NAALADL2: variants seen among roughly 807,000 people sequenced by gnomAD.
NAALADL2 encodes N-acetylated alpha-linked acidic dipeptidase like 2, also known as inactive N-acetylated-alpha-linked acidic dipeptidase-like protein 2.
A neutral mutation model predicts 87.2 loss-of-function variants in NAALADL2; 76 were observed. The observed-to-expected ratio is 0.87, with a 90% CI of 0.72 to 1.05. NAALADL2 has a LOEUF of 1.05. NAALADL2 is among the 50% of genes least tolerant of loss of function. The pLI is 0.00. For synonymous variants in NAALADL2, 354 were observed against 331.0 expected, an observed-to-expected ratio of 1.07 and a Z score of -0.75; for missense variants, 1,089 against 945.8, an observed-to-expected ratio of 1.15 and a Z score of -1.99.
At chr3:174,900,754 T>A (rs572997815) in intron 1 of NAALADL2, among the ~76,000 whole-genome samples, 1 of 152,154 alleles carries the variant, frequency 6.6e-6, no homozygotes, top group South Asian at 2.1e-4. Flanking sequence ...AATAACTGGC[T>A]ACTTAAAAAA....
intron 1 of NAALADL2, among the ~76,000 whole-genome samples, chr3:174,979,133 T>C (rs1273737317): frequency 6.6e-6 from 1 of 152,052 alleles, no homozygotes; most frequent in African/African-American, 2.4e-5. Flanking sequence ...TAAATTGGTT[T>C]TGGCTCTCTT....
intron 3 of NAALADL2, among the ~76,000 whole-genome samples, chr3:174,786,153 C>T (rs1461223800): frequency 6.6e-6 from 1 of 152,020 alleles, no homozygotes; most frequent in South Asian, 2.1e-4. Flanking sequence ...AAAAGCTTTA[C>T]TGAAAAAGTA....
chr3:175,213,882 C>T (rs1020287707), intron 2 of NAALADL2, among the ~76,000 whole-genome samples: 11 of 152,118 alleles, frequency 7.2e-5, no homozygotes, highest in African/African-American at 2.7e-4. Context: ...ATTTCCCCTT[C>T]TCATATGACA....
At chr3:175,480,713 G>A (rs1254177625) in intron 9 of NAALADL2, among the ~76,000 whole-genome samples, 2 of 151,782 alleles carry the variant, frequency 1.3e-5, no homozygotes, top group East Asian at 3.8e-4. Context: ...GTAATATTCA[G>A]TAGGTAATCA....
rs1715050024 is a variant in NAALADL2 at position 174,572,520 on chromosome 3, A to G, written c.-115+21883A>G. ...GTAATCATTTCTTTTGGCCAAAGCA[A>G]TAAAAAAGAAAATAAATGAGGTATA... On this transcript the variant is annotated intron_variant, in intron 2 of 3. Transcript: ENST00000434257. Among the ~76,000 whole-genome samples the G allele has an allele frequency of 1.3e-5, 2 of 152,196 alleles. 1 individual carries two copies. Among genetic ancestry groups the G allele is most frequent in the South Asian group, 4.1e-4 (2 of 4,828 alleles).
intron 1 of NAALADL2, among the ~76,000 whole-genome samples, chr3:175,042,823 T>C (rs528136955): frequency 7.2e-5 from 11 of 152,306 alleles, no homozygotes; most frequent in African/African-American, 2.6e-4. Flanking sequence ...GTGTTGGAGA[T>C]GGGACCTAAA....
chr3:175,368,262 A>C (rs1765926923), intron 5 of NAALADL2, among the ~76,000 whole-genome samples: 1 of 152,102 alleles, frequency 6.6e-6, no homozygotes, highest in East Asian at 1.9e-4. Flanking sequence ...GGTTGCCAGT[A>C]TTTTATTGAG....
chr3:175,557,519 A>C (rs898366315), intron 9 of NAALADL2, among the ~76,000 whole-genome samples: 1 of 151,714 alleles, frequency 6.6e-6, no homozygotes, highest in Non-Finnish European at 1.5e-5. Flanking sequence ...TTTTTTTTGT[A>C]CCCATTTACC....
intron 13 of NAALADL2, among the ~76,000 whole-genome samples, chr3:175,771,741 C>T (rs1749512899): frequency 6.6e-6 from 1 of 152,118 alleles, no homozygotes; most frequent in South Asian, 2.1e-4. Flanking sequence ...CTCCTTATAT[C>T]AAAATCCGTA....
In NAALADL2 at chr3:175,804,575, GCCTC is replaced by G. The variant is rs1754539321; in HGVS notation, c.*1373_*1376del. 1 of 151,730 alleles carries G rather than the reference GCCTC, an allele frequency of 6.6e-6. No individual in the cohort carries two copies. The highest frequency in any genetic ancestry group is 6.6e-5 in the Admixed American group (1 of 15,170). 9.4% of individuals were successfully genotyped at this position (151,730 alleles called of 1,614,324 possible). On this transcript the variant is annotated 3_prime_UTR_variant, in exon 14 of 14. Coordinates refer to ENST00000454872, the MANE Select transcript of NAALADL2 (RefSeq NM_207015.3). ...AAAGCAATTCCCCTTAGGAAACATA[GCCTC>G]AGAGTATTTCATATAAATTTTCTCT...
At chr3:175,616,960 C>G (rs1229454541) in intron 10 of NAALADL2, among the ~76,000 whole-genome samples, 2 of 152,016 alleles carry the variant, frequency 1.3e-5, no homozygotes, top group Non-Finnish European at 2.9e-5. Context: ...GTTGCCCAAG[C>G]TTCTGGATTA....
intron 1 of NAALADL2, among the ~76,000 whole-genome samples, chr3:174,476,427 CT>C (rs1717216780): frequency 6.6e-6 from 1 of 151,814 alleles, no homozygotes; most frequent in Non-Finnish European, 1.5e-5. Flanking sequence ...GTGTTTTACT[CT>C]TCTCGTTTTC....
intron 9 of NAALADL2, among the ~76,000 whole-genome samples, chr3:175,520,679 A>C (rs1178777822): frequency 6.6e-6 from 1 of 152,210 alleles, no homozygotes; most frequent in Non-Finnish European, 1.5e-5. Context: ...AGGATGTGAA[A>C]TATAATTGAA....
intron 1 of NAALADL2, among the ~76,000 whole-genome samples, chr3:174,889,545 A>C (rs1730617979): frequency 6.6e-6 from 1 of 151,568 alleles, no homozygotes; most frequent in Non-Finnish European, 1.5e-5. Flanking sequence ...CCCCATCCTC[A>C]CTTCTCTGCT....
At chr3:174,507,946 A>G (rs1483039762) in intron 1 of NAALADL2, among the ~76,000 whole-genome samples, 1 of 152,068 alleles carries the variant, frequency 6.6e-6, no homozygotes, top group Non-Finnish European at 1.5e-5. Flanking sequence ...AAGTAAGTAT[A>G]TGTTTACATA....
chr3:175,800,685 T>C (rs1394342041), intron 13 of NAALADL2, among the ~76,000 whole-genome samples: 1 of 152,156 alleles, frequency 6.6e-6, no homozygotes, highest in African/African-American at 2.4e-5. Flanking sequence ...ACCAACATTA[T>C]TGAGGGTCTA....
chr3:175,729,688 C>A (rs1467993829), intron 11 of NAALADL2, among the ~76,000 whole-genome samples: 1 of 151,894 alleles, frequency 6.6e-6, no homozygotes, highest in Non-Finnish European at 1.5e-5. Flanking sequence ...GTCTCCGAAT[C>A]TGTTGTGATT....
chr3:174,755,277 T>C (rs1313341528), intron 3 of NAALADL2, among the ~76,000 whole-genome samples: 2 of 152,200 alleles, frequency 1.3e-5, no homozygotes, highest in Non-Finnish European at 2.9e-5. Flanking sequence ...CATGCTGAGC[T>C]GAGTCAACTA....
At chr3:175,193,955 T>C (rs9826075) in intron 2 of NAALADL2, among the ~76,000 whole-genome samples, 16,628 of 151,818 alleles carry the variant, frequency 0.11, 1,009 homozygotes, top group African/African-American at 0.14. Context: ...AATAGATAAT[T>C]TGTGTGCAAA....
Sources: gnomAD v4.1 joint callset for allele counts (sites outside exome capture counted in the v4.1 genomes callset) on GRCh38, gnomAD v4.1.1 for gene constraint, MANE v1.5 for transcripts, NCBI Gene and HGNC (gene_info 2026-07-23, HGNC 2026-07-21) for gene names.